Variants in PACC1 observed in about 807,000 individuals in gnomAD.
PACC1 encodes the protein proton activated chloride channel 1, also known as proton-activated chloride channel.
In PACC1, 34 loss-of-function variants were observed where a neutral mutation model predicts 39.7. The ratio of observed to expected loss-of-function variants is 0.86; its 90% CI spans 0.65 to 1.14. The LOEUF is 1.14. Among genes scored for constraint, PACC1 ranks in the 50% most tolerant of loss-of-function variants. The pLI, the probability that PACC1 is intolerant of heterozygous loss-of-function variation, is 0.00. For synonymous variants in PACC1, 127 were observed against 160.6 expected, an observed-to-expected ratio of 0.79 and a Z score of 1.58; for missense variants, 379 against 436.4, an observed-to-expected ratio of 0.87 and a Z score of 1.17.
At chr1:212,393,762 C>T (rs1661415017) in intron 2 of PACC1, among the ~76,000 whole-genome samples, 1 of 152,084 alleles carries the variant, frequency 6.6e-6, no homozygotes, top group Admixed American at 6.5e-5. Flanking sequence ...GATATCACCA[C>T]CGATCTCACA....
chr1:212,384,867 A>G (rs1283594049), intron 4 of PACC1, among the ~76,000 whole-genome samples: 1 of 152,192 alleles, frequency 6.6e-6, no homozygotes, highest in East Asian at 1.9e-4. Context: ...GGCCCCACCT[A>G]AGGAATTATA....
chr1:212,408,421 C>T (rs1386206933), intron 2 of PACC1, among the ~76,000 whole-genome samples: 4 of 151,780 alleles, frequency 2.6e-5, no homozygotes, highest in Non-Finnish European at 5.9e-5. Context: ...AGTGCAGTGG[C>T]ATGATCTCGT....
Position 212,386,973 on chromosome 1 carries a change from CCGGTAGACCAGGAA to C in PACC1, c.247_260del (p.Phe83AspfsTer7), listed in dbSNP as rs895730198. 1.2e-6 allele frequency: 2 copies of C among 1,614,146 alleles called. No individual in the cohort carries two copies. The highest frequency in any genetic ancestry group is 1.7e-6 in the Non-Finnish European group (2 of 1,180,022). On this transcript the variant is annotated frameshift_variant, in exon 3 of 8. Transcript: ENST00000261455. LOFTEE classifies it high-confidence loss of function. The surrounding 1 kb of genome is among the most constrained non-coding windows in gnomAD (Gnocchi z 5.0). ...GTTTCTCACGAAAGTCTGTGATGGT[CCGGTAGACCAGGAA>C]GACGGCCACAGCCATGAGCAGCAGG...
intron 6 of PACC1, 75 bp downstream of exon 6, chr1:212,377,487 G>A (rs1012576622): frequency 2.5e-6 from 4 of 1,587,726 alleles, no homozygotes; most frequent in Admixed American, 1.7e-5. Context: ...AGCCTTCTCT[G>A]CAAAGCTTCC....
chr1:212,407,508 G>A (rs2102541390), intron 2 of PACC1, among the ~76,000 whole-genome samples: 1 of 152,284 alleles, frequency 6.6e-6, no homozygotes, highest in Middle Eastern at 3.4e-3. Context: ...TAATATACAG[G>A]TCTTTCAAGT....
intron 7 of PACC1, among the ~76,000 whole-genome samples, chr1:212,373,661 C>T (rs1487383325): frequency 6.6e-6 from 1 of 151,924 alleles, no homozygotes; most frequent in African/African-American, 2.4e-5. Flanking sequence ...CAAAAAAAGC[C>T]AAATAATTCA....
At chr1:212,365,425 G>A (rs776174126) in intron 7 of PACC1, 49 bp from the exon 8 acceptor site, 1 of 1,023,684 alleles carries the variant, frequency 9.8e-7, no homozygotes, top group Non-Finnish European at 1.4e-6. Flanking sequence ...CTTCAGTCTT[G>A]ATTCTTTTTT....
intron 2 of PACC1, among the ~76,000 whole-genome samples, chr1:212,405,804 A>T (rs1661888891): frequency 6.6e-6 from 1 of 152,106 alleles, no homozygotes; most frequent in Non-Finnish European, 1.5e-5. Flanking sequence ...CTAACCGTTC[A>T]CCTCACAGAG....
intron 4 of PACC1, 118 bp from the exon 5 acceptor site, chr1:212,380,155 G>GA: frequency 7.4e-6 from 8 of 1,075,400 alleles, no homozygotes; most frequent in Non-Finnish European, 1.1e-5. Flanking sequence ...GTCTCCAAAG[G>GA]GACCACTAGC....
rs1571652570 is a variant in PACC1, at chr1:212,386,717, G to A, written c.343+174C>T. 6.6e-6 allele frequency among the ~76,000 whole-genome samples: 1 copy of A among 150,528 alleles called. No homozygotes were observed. The highest frequency in any genetic ancestry group is 1.5e-5 in the Non-Finnish European group (1 of 67,004). On this transcript the variant is annotated intron_variant, in intron 3 of 7. Transcript: ENST00000261455. The surrounding 1 kb of genome is among the most constrained non-coding windows in gnomAD (Gnocchi z 5.0). ...CTCTGTCCATTTCTGTCCTCAGCAC[G>A]TAACACACTCCCAACAGCAGCTCCT...
At chr1:212,393,922 C>T (rs1255173593) in intron 2 of PACC1, among the ~76,000 whole-genome samples, 1 of 151,220 alleles carries the variant, frequency 6.6e-6, no homozygotes, top group East Asian at 1.9e-4. Flanking sequence ...CAATAACAGG[C>T]TCTGAAATTG....
At chr1:212,412,994 A>G (rs1662191848) in intron 1 of PACC1, among the ~76,000 whole-genome samples, 1 of 152,254 alleles carries the variant, frequency 6.6e-6, no homozygotes, top group Admixed American at 6.5e-5. Context: ...TCACACAAAC[A>G]GCAAGAGGCA....
At chr1:212,381,086 A>G (rs1247293181) in intron 4 of PACC1, among the ~76,000 whole-genome samples, 2 of 152,254 alleles carry the variant, frequency 1.3e-5, no homozygotes, top group Non-Finnish European at 2.9e-5. Context: ...TAACTGCACT[A>G]TTCAATTCTT....
At chr1:212,403,851 C>T (rs1266601777) in intron 2 of PACC1, among the ~76,000 whole-genome samples, 1 of 152,186 alleles carries the variant, frequency 6.6e-6, no homozygotes, top group Admixed American at 6.5e-5. Context: ...AGGCGTGCCA[C>T]CACACCTGGC....
chr1:212,413,776 G>A (rs138414008), intron 1 of PACC1: 5 of 1,083,768 alleles, frequency 4.6e-6, no homozygotes, highest in Non-Finnish European at 6.4e-6. Flanking sequence ...AATGCTCCGA[G>A]GTGAAGGCAG....
chr1:212,413,332 G>A lies in PACC1; in HGVS notation c.36+1390C>T, dbSNP rs142305903. On this transcript the variant is annotated intron_variant, in intron 1 of 7. Coordinates refer to ENST00000261455, the MANE Select transcript of PACC1 (RefSeq NM_018252.3). ...GCTTCTCCCTCCACTGTAGGGCTAA[G>A]CCACCTGCTTTATATAGTCCACAAA... Among the ~76,000 whole-genome samples, 7 of 152,358 alleles carry A rather than the reference G, an allele frequency of 4.6e-5. No homozygotes were observed. In the East Asian group the frequency reaches 1.3e-3, roughly 29 times the overall value.
intron 7 of PACC1, among the ~76,000 whole-genome samples, chr1:212,372,467 T>A (rs1210274677): frequency 6.6e-6 from 1 of 152,180 alleles, no homozygotes; most frequent in Non-Finnish European, 1.5e-5. Flanking sequence ...TTCATTATTT[T>A]TGTTCAACAT....
chr1:212,365,683 T>G (rs955087730), intron 7 of PACC1, among the ~76,000 whole-genome samples: 13 of 151,994 alleles, frequency 8.6e-5, no homozygotes, highest in African/African-American at 2.9e-4. Context: ...TCTGAAACTG[T>G]CATAACTCTA....
chr1:212,384,135 T>C (rs925626598), intron 4 of PACC1, among the ~76,000 whole-genome samples: 1 of 152,224 alleles, frequency 6.6e-6, no homozygotes, highest in Non-Finnish European at 1.5e-5. Flanking sequence ...TGGCCCAAGC[T>C]GTTTTTTATG....
Sources: allele counts gnomAD v4.1 joint callset (sites outside exome capture counted in the v4.1 genomes callset), GRCh38; gene constraint gnomAD v4.1.1; non-coding constraint Gnocchi (gnomAD v3.1); transcripts MANE v1.5; gene names NCBI Gene and HGNC (gene_info 2026-07-23, HGNC 2026-07-21).